The following SYNE2 variants were observed in gnomAD, a reference collection of about 807,000 sequenced individuals.
SYNE2 encodes spectrin repeat containing nuclear envelope protein 2.
Under a neutral mutation model 856.3 loss-of-function variants are expected in SYNE2, and 431 were observed. The observed-to-expected ratio is 0.50, with a 90% CI of 0.47 to 0.55. The LOEUF (loss-of-function observed/expected upper bound fraction) is 0.55. Ranked by LOEUF, SYNE2 falls within the 20% of genes least tolerant of loss-of-function variation. SYNE2 has a pLI of 0.00. For missense variants in SYNE2, 8,129 were observed against 8,023.2 expected (o/e 1.01, Z -0.50); for synonymous variants, 2,923 against 2,872.3 (o/e 1.02, Z -0.56).
At chr14:64,045,592 G>C (rs989942989) in intron 45 of SYNE2, among the ~76,000 whole-genome samples, 1 of 152,126 alleles carries the variant, frequency 6.6e-6, no homozygotes, top group African/African-American at 2.4e-5. Flanking sequence ...CAGCCTTCCT[G>C]GATCTTTCCC....
intron 1 of SYNE2, among the ~76,000 whole-genome samples, chr14:63,818,006 C>T (rs1461464901): frequency 1.7e-5 from 2 of 117,582 alleles, no homozygotes; most frequent in Non-Finnish European, 3.4e-5. Context: ...GCCTGGGCTA[C>T]CAAGTGAGAC....
At chr14:63,890,021 C>CTGGAGTGGT (rs2095091628) in intron 1 of SYNE2, among the ~76,000 whole-genome samples, 1 of 146,642 alleles carries the variant, frequency 6.8e-6, no homozygotes, top group African/African-American at 2.5e-5. Flanking sequence ...GGGCCCCTTT[C>CTGGAGTGGT]TGGAGTGGTT....
At chr14:64,179,929 C>T (rs79987469) in intron 96 of SYNE2, among the ~76,000 whole-genome samples, 3,200 of 152,190 alleles carry the variant, frequency 0.021, 49 homozygotes, top group Non-Finnish European at 0.034. Flanking sequence ...TTGTATTTTC[C>T]GCTTCCTTTG....
intron 74 of SYNE2, 80 bp from the exon 75 acceptor site, chr14:64,129,702 A>G (rs2153678198): frequency 8.8e-6 from 14 of 1,592,932 alleles, no homozygotes; most frequent in South Asian, 5.6e-5. Flanking sequence ...TTTCTGTACT[A>G]TTTAATTCTT....
In SYNE2 at chr14:64,146,178, A is replaced by G; in HGVS notation, c.15594A>G (p.Lys5198=). ...AQEERLKTLQ[K]PESVISVQKL... is the part of the protein sequence containing the mutation. ...AAGAGAGACTGAAAACTTTACAAAAACCTGAAAGTGTGATCTCAGTGCAGA... is the reference window on the plus strand; with the variant it reads ...AAGAGAGACTGAAAACTTTACAAAAGCCTGAAAGTGTGATCTCAGTGCAGA... Residue 5198 remains lysine (K), a synonymous_variant, in exon 84 of 116, where the codon AAA becomes AAG. Coordinates refer to ENST00000555002, the MANE Select transcript of SYNE2 (RefSeq NM_182914.3). The G allele has an allele frequency of 1.2e-6, 2 of 1,612,998 alleles. No individual in the cohort carries two copies. Among genetic ancestry groups the G allele is most frequent in the Non-Finnish European group, 1.7e-6 (2 of 1,179,644 alleles).
intron 83 of SYNE2, among the ~76,000 whole-genome samples, chr14:64,144,923 CTTT>C (rs573628737): frequency 2.6e-4 from 30 of 116,170 alleles, no homozygotes; most frequent in African/African-American, 8.9e-4. Flanking sequence ...ATTGGGGCAG[CTTT>C]TTTTTTTTTT....
chr14:64,041,100 C>A (rs1253681321), intron 45 of SYNE2, among the ~76,000 whole-genome samples: 1 of 152,064 alleles, frequency 6.6e-6, no homozygotes, highest in Non-Finnish European at 1.5e-5. Context: ...GTCAACCTAG[C>A]TGAATTATCA....
chr14:63,904,525 G>A (rs1286712604), intron 1 of SYNE2, among the ~76,000 whole-genome samples: 1 of 152,098 alleles, frequency 6.6e-6, no homozygotes, highest in African/African-American at 2.4e-5. Context: ...ACTGGTGTGA[G>A]ATGGTGTATC....
At position 64,125,191 on chromosome 14, in the gene SYNE2, C is replaced by G; in HGVS notation, c.13535C>G (p.Ala4512Gly). The G allele has an allele frequency of 6.2e-7, 1 of 1,614,118 alleles. No homozygotes were observed. The highest frequency in any genetic ancestry group is 8.5e-7 in the Non-Finnish European group (1 of 1,180,016). ...TTQLEDLRQE[A>G]SNLQTQENMT... ...CAACTTGAAGACCTGCGCCAAGAAG[C>G]AAGTAACCTTCAGACACAGGTAGAA... is the stretch of plus-strand genomic sequence containing the variant. The change falls in exon 71 of 116, where the codon GCA becomes GGA. Residue 4512 changes from alanine to glycine, a missense_variant. Coordinates refer to ENST00000555002, the MANE Select transcript of SYNE2 (RefSeq NM_182914.3).
chr14:64,122,576 T>C, intron 70 of SYNE2, 149 bp downstream of exon 70: 10 of 1,014,754 alleles, frequency 9.9e-6, no homozygotes, highest in Non-Finnish European at 1.5e-5. Flanking sequence ...CTTGGAAACC[T>C]GCATTAGGAA....
chr14:63,978,874 A>C lies in SYNE2; in HGVS notation c.1429A>C (p.Lys477Gln). The change falls in exon 14 of 116, where the codon AAA (lysine) becomes CAA (glutamine). Residue 477 changes from lysine (K) to glutamine (Q), a missense_variant. This residue lies in a region of SYNE2 where 2,422 missense variants were observed against 2,357.4 expected (regional missense o/e 1.03). Coordinates refer to ENST00000555002, the MANE Select transcript of SYNE2 (RefSeq NM_182914.3). Reference protein sequence around the residue: ...KRRINNILEKKFILLLEFHYY... With the variant: ...KRRINNILEKQFILLLEFHYY... ...CAGAATCAACAACATTTTGGAGAAA[A>C]AATTTATTCTACTTCTAGAATTTCA... is the stretch of plus-strand genomic sequence containing the variant. 1 of 1,613,284 alleles carries C rather than the reference A, an allele frequency of 6.2e-7. No individual in the cohort carries two copies. The highest frequency in any genetic ancestry group is 8.5e-7 in the Non-Finnish European group (1 of 1,179,562).
At chr14:63,821,156 G>A (rs1407467903) in intron 1 of SYNE2, among the ~76,000 whole-genome samples, 1 of 151,940 alleles carries the variant, frequency 6.6e-6, no homozygotes, top group African/African-American at 2.4e-5. Context: ...ATGGTTTATT[G>A]TATACCAGGT....
chr14:64,146,748 T>C (rs531597471), intron 84 of SYNE2, among the ~76,000 whole-genome samples: 1 of 152,364 alleles, frequency 6.6e-6, no homozygotes, highest in South Asian at 2.1e-4. Context: ...CACTCAGTCT[T>C]TGCACACTGA....
rs1189976211 is a variant in SYNE2 at position 64,076,019 on chromosome 14, C to T, written c.10941C>T (p.Ser3647=). The change falls in exon 54 of 116, where the codon TCC becomes TCT. Residue 3647 remains serine, a synonymous_variant. Coordinates refer to ENST00000555002, the MANE Select transcript of SYNE2 (RefSeq NM_182914.3). ...TGGAAAAACTGCGAATCAAGTATTC[C>T]GAAATGTACACCATAGTCCCTGCAG... ...NIMEKLRIKY[S]EMYTIVPAEI... The T allele has an allele frequency of 1.2e-5, 19 of 1,613,660 alleles. No homozygotes were observed. The highest frequency in any genetic ancestry group is 2.7e-5 in the African/African-American group (2 of 74,840).
At chr14:63,957,456 A>G (rs2096255198) in intron 8 of SYNE2, among the ~76,000 whole-genome samples, 1 of 151,304 alleles carries the variant, frequency 6.6e-6, no homozygotes, top group Non-Finnish European at 1.5e-5. Context: ...TTTAGTAGAG[A>G]TGGGGTTTTG....
At chr14:63,834,053 T>C (rs1036930829) in intron 1 of SYNE2, among the ~76,000 whole-genome samples, 1 of 152,246 alleles carries the variant, frequency 6.6e-6, no homozygotes, top group Non-Finnish European at 1.5e-5. Flanking sequence ...ATCTTCCATC[T>C]CAAAAGGCAG....
intron 31 of SYNE2, among the ~76,000 whole-genome samples, chr14:64,008,819 C>T (rs567547465): frequency 2.0e-5 from 3 of 152,286 alleles, no homozygotes; most frequent in Non-Finnish European, 4.4e-5. Flanking sequence ...GGTTCTGACA[C>T]CACCTGACGG....
chr14:63,992,899 G>A (rs1215010805), intron 21 of SYNE2, among the ~76,000 whole-genome samples: 1 of 152,178 alleles, frequency 6.6e-6, no homozygotes, highest in East Asian at 1.9e-4. Context: ...AATGTGTAAT[G>A]AGTGAATGAG....
At chr14:63,949,031 A>T (rs2096104458) in intron 6 of SYNE2, among the ~76,000 whole-genome samples, 1 of 151,760 alleles carries the variant, frequency 6.6e-6, no homozygotes, top group Admixed American at 6.6e-5. Context: ...ATCAGTGCTA[A>T]TCAGATCAAG....
Sources: gnomAD v4.1 joint callset for allele counts (sites outside exome capture counted in the v4.1 genomes callset) on GRCh38, gnomAD v4.1.1 for gene constraint, gnomAD v4.1.1 regional missense constraint, MANE v1.5 for transcripts, NCBI Gene and HGNC (gene_info 2026-07-23, HGNC 2026-07-21) for gene names.